The following CELF4 variants were observed in gnomAD, a reference collection of about 807,000 sequenced individuals.
The protein encoded by CELF4 is CUGBP Elav-like family member 4, also known as CUG-BP- and ETR-3-like factor 4.
Under a neutral mutation model 59.9 loss-of-function variants are expected in CELF4, and 18 were observed. The ratio of observed to expected loss-of-function variants is 0.30; its 90% CI spans 0.21 to 0.45. The LOEUF (loss-of-function observed/expected upper bound fraction) is 0.45, where lower values mean the gene tolerates loss of function less well. Ranked by LOEUF, CELF4 falls within the 20% of genes least tolerant of loss-of-function variation. The pLI, the probability that CELF4 is intolerant of heterozygous loss-of-function variation, is 1.00. For synonymous variants in CELF4, 261 were observed against 267.1 expected, an observed-to-expected ratio of 0.98 and a Z score of 0.22; for missense variants, 456 against 689.0, an observed-to-expected ratio of 0.66 and a Z score of 3.79.
chr18:37,530,603 T>C (rs139657851), intron 1 of CELF4, among the ~76,000 whole-genome samples: 244 of 152,264 alleles, frequency 1.6e-3, no homozygotes, highest in Non-Finnish European at 2.9e-3. Context: ...AAGCTGGGAC[T>C]GGATAGCTCC....
intron 3 of CELF4, among the ~76,000 whole-genome samples, chr18:37,301,711 GTGAAGGCTC>G (rs199575839): frequency 0.016 from 2,425 of 152,338 alleles, 31 homozygotes; most frequent in Admixed American, 0.03. Flanking sequence ...TGCTGGGAGC[GTGAAGGCTC>G]TGAAGGTACC....
intron 2 of CELF4, among the ~76,000 whole-genome samples, chr18:37,478,243 T>A (rs2099856099): frequency 6.6e-6 from 1 of 152,200 alleles, no homozygotes. Flanking sequence ...CTAGATGGTG[T>A]GTCCAGGGAG....
At chr18:37,392,419 G>A (rs2099172430) in intron 2 of CELF4, among the ~76,000 whole-genome samples, 1 of 152,238 alleles carries the variant, frequency 6.6e-6, no homozygotes, top group South Asian at 2.1e-4. Context: ...AAGATGTGGT[G>A]AAGCCTCTTG....
Position 37,383,703 on chromosome 18 carries a change from G to A in CELF4, c.370-61822C>T, listed in dbSNP as rs150004989. ...TTCCCATGATAGTCTTGTGAGGCAG[G>A]GAAGTCGGGTATTAACCCTATTTTA... On this transcript the variant is annotated intron_variant, in intron 2 of 12. Coordinates refer to ENST00000420428, the MANE Select transcript of CELF4 (RefSeq NM_020180.4). Among the ~76,000 whole-genome samples the A allele has an allele frequency of 2.0e-3, 306 of 152,304 alleles. 3 individuals are homozygous for A. Among genetic ancestry groups the A allele is most frequent in the African/African-American group, 7.1e-3 (296 of 41,564 alleles).
intron 2 of CELF4, among the ~76,000 whole-genome samples, chr18:37,416,818 C>T (rs1006157728): frequency 5.9e-5 from 9 of 152,140 alleles, no homozygotes; most frequent in South Asian, 2.1e-4. Context: ...GTTGAGAAGG[C>T]GGGAATGCAC....
intron 2 of CELF4, among the ~76,000 whole-genome samples, chr18:37,462,798 T>A (rs2099797373): frequency 6.6e-6 from 1 of 152,118 alleles, no homozygotes. Context: ...ATGAGGTTTT[T>A]TTTTTTTGCG....
chr18:37,315,699 A>C (rs1307216695), intron 3 of CELF4, among the ~76,000 whole-genome samples: 2 of 152,134 alleles, frequency 1.3e-5, no homozygotes, highest in African/African-American at 4.8e-5. Context: ...CCGCACATGC[A>C]CCCAGGGAGG....
intron 1 of CELF4, among the ~76,000 whole-genome samples, chr18:37,498,588 T>C (rs1027115963): frequency 1.3e-5 from 2 of 151,870 alleles, no homozygotes; most frequent in East Asian, 1.9e-4. Context: ...ATATTATCTC[T>C]TGTCCACCTA....
chr18:37,289,701 T>C (rs1469410402), intron 3 of CELF4, among the ~76,000 whole-genome samples: 4 of 151,866 alleles, frequency 2.6e-5, no homozygotes, highest in African/African-American at 9.7e-5. Flanking sequence ...ATGATGAGAG[T>C]ACTGTTTGAT....
At chr18:37,273,416 G>T in intron 6 of CELF4, 1 of 1,232,864 alleles carries the variant, frequency 8.1e-7, no homozygotes, top group Non-Finnish European at 1.0e-6. Flanking sequence ...GTTGCTAGGG[G>T]CAGAGGAGGA....
chr18:37,470,870 GTGTGTGTGT>G (rs2099819442), intron 2 of CELF4, among the ~76,000 whole-genome samples: 2 of 124,946 alleles, frequency 1.6e-5, no homozygotes, highest in African/African-American at 6.2e-5. Flanking sequence ...GTGTGTGTGT[GTGTGTGTGT>G]GTGTGTGTGA....
At chr18:37,432,353 G>T (rs905487133) in intron 2 of CELF4, among the ~76,000 whole-genome samples, 3 of 152,222 alleles carry the variant, frequency 2.0e-5, no homozygotes, top group African/African-American at 2.4e-5. Context: ...GGGCCCAGAG[G>T]GGGAGCTTGG....
intron 2 of CELF4, among the ~76,000 whole-genome samples, chr18:37,407,573 G>A (rs1292798820): frequency 6.9e-6 from 1 of 144,368 alleles, no homozygotes; most frequent in South Asian, 2.6e-4. Flanking sequence ...ATATATGTGT[G>A]TGTATGTGTG....
At chr18:37,509,371 G>A (rs1404672950) in intron 1 of CELF4, among the ~76,000 whole-genome samples, 1 of 152,224 alleles carries the variant, frequency 6.6e-6, no homozygotes, top group Non-Finnish European at 1.5e-5. Flanking sequence ...ATGTGTGTGT[G>A]GTGAAAAAAT....
intron 3 of CELF4, among the ~76,000 whole-genome samples, chr18:37,278,294 C>A (rs1045838951): frequency 1.2e-4 from 19 of 152,194 alleles, no homozygotes; most frequent in Non-Finnish European, 1.6e-4. Flanking sequence ...CAAAGACACC[C>A]AGCTTCAGAC....
At chr18:37,533,892 AGTGG>A (rs1191501732) in intron 1 of CELF4, among the ~76,000 whole-genome samples, 3 of 152,176 alleles carry the variant, frequency 2.0e-5, no homozygotes, top group African/African-American at 7.2e-5. Flanking sequence ...AGGGGAAAGC[AGTGG>A]GGTGGTCCTG....
At chr18:37,519,435 G>A (rs73433292) in intron 1 of CELF4, among the ~76,000 whole-genome samples, 49 of 152,118 alleles carry the variant, frequency 3.2e-4, no homozygotes, top group African/African-American at 1.2e-3. Context: ...CCTTCTGCAG[G>A]TCATCTTTCT....
At chr18:37,377,986 G>A (rs570189678) in intron 2 of CELF4, among the ~76,000 whole-genome samples, 24 of 152,244 alleles carry the variant, frequency 1.6e-4, no homozygotes, top group Middle Eastern at 3.4e-3. Context: ...TGAGTCCAGC[G>A]GGGACCTTCT....
chr18:37,524,031 C>CAG lies in CELF4; in HGVS notation c.287-38426_287-38425dup, dbSNP rs570917887. On this transcript the variant is annotated intron_variant, in intron 1 of 12. Coordinates refer to ENST00000420428, the MANE Select transcript of CELF4 (RefSeq NM_020180.4). ...GGGTGCCTGGGTGCCGTGGATATCC[C>CAG]AGAGAGACACTGTGCTCCGCACCCA... 7.6e-3 allele frequency among the ~76,000 whole-genome samples: 1,156 copies of CAG among 152,342 alleles called. 11 individuals carry two copies. Among genetic ancestry groups the CAG allele is most frequent in the Non-Finnish European group, 0.013 (898 of 68,030 alleles).
Sources: gnomAD v4.1 joint callset for allele counts (sites outside exome capture counted in the v4.1 genomes callset) on GRCh38, gnomAD v4.1.1 for gene constraint, MANE v1.5 for transcripts, NCBI Gene and HGNC (gene_info 2026-07-23, HGNC 2026-07-21) for gene names.